Variants in CTNS observed in about 807,000 individuals in gnomAD.
CTNS encodes the protein cystinosin, lysosomal cystine transporter.
Under a neutral mutation model 43.7 loss-of-function variants are expected in CTNS, and 27 were observed. The observed-to-expected ratio is 0.62, with a 90% CI of 0.46 to 0.85. The LOEUF (loss-of-function observed/expected upper bound fraction) is 0.85. CTNS is among the 40% of genes least tolerant of loss of function. The pLI is 0.00. For synonymous variants in CTNS, 187 were observed against 190.6 expected (o/e 0.98, Z 0.16); for missense variants, 457 against 475.4 (o/e 0.96, Z 0.36).
intron 3 of CTNS, 80 bp from the exon 4 acceptor site, chr17:3,647,364 T>G: frequency 8.4e-7 from 1 of 1,186,206 alleles, no homozygotes; most frequent in East Asian, 2.3e-5. Flanking sequence ...AGTTCAGATG[T>G]CAGGGGTTTC....
chr17:3,658,383 G>A (rs952663375), intron 10 of CTNS, among the ~76,000 whole-genome samples: 22 of 152,332 alleles, frequency 1.4e-4, no homozygotes, highest in African/African-American at 5.0e-4. Context: ...GATCGCTAGC[G>A]GAGGCCCCTT....
In CTNS at chr17:3,660,351, G is replaced by A. The variant is rs1055176574; in HGVS notation, c.1086G>A (p.Gly362=). ...TCTGTTTGTACAGAAAGAGACCGGG[G>A]TATGACCAGCTGAACTAGCACCCAG... ...QHFCLYRKRP[G]YDQLN The change falls in exon 12 of 12, where the codon GGG becomes GGA. Residue 362 remains glycine (G), a synonymous_variant. Transcript: ENST00000046640. 1 of 1,614,218 alleles carries A rather than the reference G, an allele frequency of 6.2e-7. No individual in the cohort carries two copies. The highest frequency in any genetic ancestry group is 8.5e-7 in the Non-Finnish European group (1 of 1,180,044).
In CTNS at chr17:3,648,843, A is replaced by C. The variant is rs1437667230; in HGVS notation, c.141-4A>C. ...AGCAGTAATTAGACTCTTGTCCTCC[A>C]CAGGCCACCATTAAATGCAACCCTG... On this transcript the variant is annotated splice_region_variant and splice_polypyrimidine_tract_variant and intron_variant, in intron 4 of 11. Coordinates refer to ENST00000046640, the MANE Select transcript of CTNS (RefSeq NM_004937.3). 5.0e-6 allele frequency: 8 copies of C among 1,612,354 alleles called. No homozygotes were observed. The highest frequency in any genetic ancestry group is 4.0e-5 in the African/African-American group (3 of 74,878).
At chr17:3,638,251 A>C (rs1486971335) in intron 2 of CTNS, among the ~76,000 whole-genome samples, 1 of 145,854 alleles carries the variant, frequency 6.9e-6, no homozygotes, top group Non-Finnish European at 1.5e-5. Context: ...TTTTTTTTTA[A>C]TTTGAGACGG....
chr17:3,655,032 T>C lies in CTNS; in HGVS notation c.260T>C (p.Phe87Ser). 6.2e-7 allele frequency: 1 copy of C among 1,614,102 alleles called. No homozygotes were observed. Among genetic ancestry groups the C allele is most frequent in the Non-Finnish European group, 8.5e-7 (1 of 1,179,946 alleles). ...VVPPGVTNSSFQVTSQNVGQL... is the reference protein window; with the variant it reads ...VVPPGVTNSSSQVTSQNVGQL... Reference sequence around the variant, plus strand: ...CCTCCTGGAGTGACAAACTCCTCTTTTCAAGTGACATCTCAAAATGTTGGA... The same window carrying C: ...CCTCCTGGAGTGACAAACTCCTCTTCTCAAGTGACATCTCAAAATGTTGGA... Residue 87 changes from phenylalanine (F) to serine (S), a missense_variant, in exon 6 of 12, where the codon TTT (phenylalanine) becomes TCT (serine). Phe to Ser is a radical substitution (Grantham distance 155). Transcript: ENST00000046640.
In CTNS at chr17:3,661,831, G is replaced by A. The variant is rs543755899; in HGVS notation, c.*1462G>A. Reference sequence around the variant, plus strand: ...TGAAGGGCACACCAGCACTGGGAGCGGGGGCAGTGGGGGTCTTATTCTCCA... The same window carrying A: ...TGAAGGGCACACCAGCACTGGGAGCAGGGGCAGTGGGGGTCTTATTCTCCA... On this transcript the variant is annotated 3_prime_UTR_variant, in exon 12 of 12. Coordinates refer to ENST00000046640, the MANE Select transcript of CTNS (RefSeq NM_004937.3). Among the ~76,000 whole-genome samples the A allele has an allele frequency of 2.6e-5, 4 of 152,292 alleles. No homozygotes were observed. Among genetic ancestry groups the A allele is most frequent in the South Asian group, 4.1e-4 (2 of 4,824 alleles).
intron 7 of CTNS, chr17:3,655,830 G>A (rs898563869): frequency 3.9e-6 from 1 of 253,188 alleles, no homozygotes; most frequent in Non-Finnish European, 7.8e-6. Flanking sequence ...TTTCTTCCGG[G>A]GGCCTCCTGA....
At chr17:3,648,818 A>G in intron 4 of CTNS, 29 bp from the exon 5 acceptor site, 1 of 1,559,122 alleles carries the variant, frequency 6.4e-7, no homozygotes, top group Non-Finnish European at 8.9e-7. Flanking sequence ...CCAGCTTCTC[A>G]GCAGTAATTA....
chr17:3,659,554 G>A (rs2076236731), intron 10 of CTNS, among the ~76,000 whole-genome samples: 2 of 152,248 alleles, frequency 1.3e-5, no homozygotes, highest in East Asian at 3.8e-4. Context: ...ACAGGGCCTT[G>A]GCCCCAGGGA....
intron 11 of CTNS, 116 bp downstream of exon 11, chr17:3,660,091 C>T (rs1294142568): frequency 4.2e-6 from 6 of 1,441,582 alleles, no homozygotes; most frequent in Non-Finnish European, 5.8e-6. Context: ...GCCAATCCAG[C>T]CCCCAAGGAG....
intron 2 of CTNS, among the ~76,000 whole-genome samples, chr17:3,639,524 C>T (rs568927210): frequency 3.3e-5 from 5 of 152,020 alleles, no homozygotes; most frequent in African/African-American, 9.7e-5. Flanking sequence ...AAAAGTTAGC[C>T]GGGCATGGTG....
At chr17:3,649,451 CAAAAAAAA>C (rs34213111) in intron 5 of CTNS, among the ~76,000 whole-genome samples, 1 of 94,950 alleles carries the variant, frequency 1.1e-5, no homozygotes, top group East Asian at 3.5e-4. Context: ...GACTCCTTCT[CAAAAAAAA>C]AAAAAAAAAA....
At position 3,660,665 on chromosome 17, in the gene CTNS, G is replaced by C. The variant is rs1312444635; in HGVS notation, c.*296G>C. 1 of 1,613,634 alleles carries C rather than the reference G, an allele frequency of 6.2e-7. No homozygotes were observed. Among genetic ancestry groups the C allele is most frequent in the Non-Finnish European group, 8.5e-7 (1 of 1,180,036 alleles). ...CTGGCAGCCGTCTCAGGCAGGACTGGGCACCAAGCTTGCAGCCGAAGGCCT... is the reference window on the plus strand; with the variant it reads ...CTGGCAGCCGTCTCAGGCAGGACTGCGCACCAAGCTTGCAGCCGAAGGCCT... On this transcript the variant is annotated 3_prime_UTR_variant, in exon 12 of 12. Coordinates refer to ENST00000046640, the MANE Select transcript of CTNS (RefSeq NM_004937.3).
At chr17:3,654,966 G>A (rs772179161) in intron 5 of CTNS, 32 bp from the exon 6 acceptor site, 2 of 1,498,934 alleles carry the variant, frequency 1.3e-6, no homozygotes, top group Non-Finnish European at 1.9e-6. Flanking sequence ...AACTGTACGT[G>A]GCATCGGATT....
intron 5 of CTNS, among the ~76,000 whole-genome samples, chr17:3,653,208 T>G (rs1011765126): frequency 6.6e-6 from 1 of 151,936 alleles, no homozygotes; most frequent in Non-Finnish European, 1.5e-5. Flanking sequence ...GGTCAGAAGA[T>G]CGAGACCAGC....
chr17:3,643,110 C>G (rs919218687), intron 3 of CTNS, among the ~76,000 whole-genome samples: 27 of 151,708 alleles, frequency 1.8e-4, no homozygotes, highest in Non-Finnish European at 3.2e-4. Flanking sequence ...GTCAGGAGAT[C>G]GAGACTATCC....
intron 10 of CTNS, 102 bp downstream of exon 10, chr17:3,658,277 C>T: frequency 8.7e-6 from 13 of 1,494,994 alleles, no homozygotes; most frequent in South Asian, 4.7e-5. Flanking sequence ...CGTGAGGAAA[C>T]AGGACGGAAA....
chr17:3,640,308 A>G (rs753269553), intron 3 of CTNS, 41 bp downstream of exon 3: 5 of 1,576,436 alleles, frequency 3.2e-6, no homozygotes, highest in Admixed American at 1.7e-5. Flanking sequence ...AAAGAGGGAA[A>G]TGGTGGCTAG....
At chr17:3,638,515 C>A (rs1597591312) in intron 2 of CTNS, among the ~76,000 whole-genome samples, 1 of 126,652 alleles carries the variant, frequency 7.9e-6, no homozygotes, top group Admixed American at 7.1e-5. Flanking sequence ...TGGAATTACA[C>A]ACACGAGCCA....
Sources: gnomAD v4.1 joint callset for allele counts (sites outside exome capture counted in the v4.1 genomes callset) on GRCh38, gnomAD v4.1.1 for gene constraint, MANE v1.5 for transcripts, NCBI Gene and HGNC (gene_info 2026-07-23, HGNC 2026-07-21) for gene names.